MGMT: variants seen among roughly 807,000 people sequenced by gnomAD.
MGMT encodes the protein methylated-DNA--protein-cysteine methyltransferase.
In MGMT, 14 loss-of-function variants were observed where a neutral mutation model predicts 15.9. The ratio of observed to expected loss-of-function variants is 0.88; its 90% CI spans 0.58 to 1.37. MGMT has a LOEUF of 1.37. Ranked by LOEUF, MGMT falls within the 40% of genes most tolerant of loss-of-function variation. The pLI, the probability that MGMT is intolerant of heterozygous loss-of-function variation, is 0.00. For synonymous variants in MGMT, 130 were observed against 118.2 expected (o/e 1.10, Z -0.65); for missense variants, 282 against 268.1 (o/e 1.05, Z -0.36).
chr10:129,535,194 A>G (rs1845972202), intron 1 of MGMT, among the ~76,000 whole-genome samples: 1 of 152,022 alleles, frequency 6.6e-6, no homozygotes, highest in East Asian at 1.9e-4. Flanking sequence ...AGCCGTGAGG[A>G]TGGCCTTCCT....
At chr10:129,657,674 A>AACACAC (rs60284981) in intron 2 of MGMT, among the ~76,000 whole-genome samples, 1,306 of 93,480 alleles carry the variant, frequency 0.014, 31 homozygotes, top group African/African-American at 0.038. Flanking sequence ...CAGCTCCTCC[A>AACACAC]ACACACACAC....
intron 3 of MGMT, among the ~76,000 whole-genome samples, chr10:129,710,721 T>G (rs1232027025): frequency 6.6e-6 from 1 of 152,034 alleles, no homozygotes; most frequent in African/African-American, 2.4e-5. Context: ...AAATCAACAG[T>G]GAGGGGGCAG....
chr10:129,505,954 T>C (rs1845620574), intron 1 of MGMT, among the ~76,000 whole-genome samples: 2 of 151,196 alleles, frequency 1.3e-5, no homozygotes, highest in Admixed American at 1.3e-4. Context: ...TGTGAATTGC[T>C]CAGATGGCCA....
chr10:129,481,070 G>A lies in MGMT; in HGVS notation c.-13+13774G>A, dbSNP rs550562951. On this transcript the variant is annotated intron_variant, in intron 1 of 4. Transcript: ENST00000651593. ...GCATTCTGAAGTGAACCTGCCTGTT[G>A]CCCTGACCGTGCCTTCCTCCTAGAG... Among the ~76,000 whole-genome samples, 8 of 152,296 alleles carry A rather than the reference G, an allele frequency of 5.3e-5. No homozygotes were observed. In the East Asian group the frequency reaches 1.2e-3, roughly 22 times the overall value.
At chr10:129,719,079 G>A (rs1257783625) in intron 3 of MGMT, among the ~76,000 whole-genome samples, 3 of 149,534 alleles carry the variant, frequency 2.0e-5, no homozygotes, top group African/African-American at 5.0e-5. Flanking sequence ...GTCCAGAGCC[G>A]ATCTGTGTGC....
chr10:129,682,707 G>A (rs1170248430), intron 2 of MGMT, among the ~76,000 whole-genome samples: 1 of 152,194 alleles, frequency 6.6e-6, no homozygotes, highest in Admixed American at 6.5e-5. Context: ...TTGTATCAAT[G>A]CCAGCTTCCT....
chr10:129,687,775 G>A (rs1048331843), intron 2 of MGMT, among the ~76,000 whole-genome samples: 1 of 150,984 alleles, frequency 6.6e-6, no homozygotes, highest in East Asian at 2.0e-4. Flanking sequence ...GTATACATGT[G>A]CCATGTTGGT....
intron 2 of MGMT, among the ~76,000 whole-genome samples, chr10:129,694,478 G>A (rs534426703): frequency 6.6e-6 from 1 of 152,288 alleles, no homozygotes; most frequent in Admixed American, 6.5e-5. Context: ...TTTTGAAGAG[G>A]AGGAAAAAGG....
intron 4 of MGMT, among the ~76,000 whole-genome samples, chr10:129,763,300 C>T (rs867894272): frequency 6.6e-6 from 1 of 152,062 alleles, no homozygotes; most frequent in East Asian, 1.9e-4. Context: ...TCCTTAGGGC[C>T]CCAATAAATT....
chr10:129,508,307 G>A, intron 1 of MGMT, among the ~76,000 whole-genome samples: 1 of 152,152 alleles, frequency 6.6e-6, no homozygotes, highest in East Asian at 1.9e-4. Flanking sequence ...TAGAAGGTAT[G>A]GGTGAAGGTG....
At chr10:129,630,506 T>C (rs537476594) in intron 2 of MGMT, among the ~76,000 whole-genome samples, 20 of 152,312 alleles carry the variant, frequency 1.3e-4, no homozygotes, top group African/African-American at 4.6e-4. Flanking sequence ...AAAGAAAATA[T>C]TTTCTTTCTC....
At chr10:129,549,714 G>A (rs1052792929) in intron 2 of MGMT, among the ~76,000 whole-genome samples, 4 of 152,148 alleles carry the variant, frequency 2.6e-5, no homozygotes, top group African/African-American at 7.2e-5. Flanking sequence ...TTTTTTGTCC[G>A]AGTATGACTT....
At chr10:129,612,005 G>C (rs1214853312) in intron 2 of MGMT, among the ~76,000 whole-genome samples, 1 of 152,122 alleles carries the variant, frequency 6.6e-6, no homozygotes, top group Non-Finnish European at 1.5e-5. Context: ...AGGTGGTCGG[G>C]GTGCAGCTTG....
chr10:129,529,166 G>T (rs1216523676), intron 1 of MGMT, among the ~76,000 whole-genome samples: 1 of 151,872 alleles, frequency 6.6e-6, no homozygotes, highest in Non-Finnish European at 1.5e-5. Context: ...AGTGTGAGGG[G>T]CAGTGGCAGG....
intron 2 of MGMT, among the ~76,000 whole-genome samples, chr10:129,548,668 C>T (rs983294651): frequency 2.6e-5 from 4 of 152,196 alleles, no homozygotes; most frequent in African/African-American, 9.6e-5. Flanking sequence ...GGCAGCCTGG[C>T]GTCTGCTTTG....
intron 1 of MGMT, among the ~76,000 whole-genome samples, chr10:129,502,399 C>T (rs1845583314): frequency 6.6e-6 from 1 of 152,082 alleles, no homozygotes; most frequent in Non-Finnish European, 1.5e-5. Flanking sequence ...TGCGTTCCTA[C>T]CCAGCTAGAC....
chr10:129,756,410 C>T (rs553103127), intron 3 of MGMT, among the ~76,000 whole-genome samples: 2 of 152,150 alleles, frequency 1.3e-5, no homozygotes, highest in African/African-American at 2.4e-5. Flanking sequence ...CCCAAGGTCT[C>T]GGGGCTGCCC....
rs530382364 is a variant in MGMT at position 129,613,381 on chromosome 10, C to T, written c.125+77004C>T. On this transcript the variant is annotated intron_variant, in intron 2 of 4. Transcript: ENST00000651593. Reference sequence around the variant, plus strand: ...TTGAATATCACATGCTTGGTCCGGGCACTTAGGTGGGCTTCAGTGATTTGG... The same window carrying T: ...TTGAATATCACATGCTTGGTCCGGGTACTTAGGTGGGCTTCAGTGATTTGG... Among the ~76,000 whole-genome samples, 6 of 152,316 alleles carry T rather than the reference C, an allele frequency of 3.9e-5. No homozygotes were observed. The East Asian group carries it at 5.8e-4, about 15-fold the overall frequency.
At chr10:129,612,769 T>C (rs1246579304) in intron 2 of MGMT, among the ~76,000 whole-genome samples, 2 of 152,246 alleles carry the variant, frequency 1.3e-5, no homozygotes, top group Non-Finnish European at 2.9e-5. Context: ...ACATGTCATC[T>C]TGTTAAGGGA....
Sources: gnomAD v4.1 joint callset for allele counts (sites outside exome capture counted in the v4.1 genomes callset) on GRCh38, gnomAD v4.1.1 for gene constraint, MANE v1.5 for transcripts, NCBI Gene and HGNC (gene_info 2026-07-23, HGNC 2026-07-21) for gene names.